Variants in DPYSL5 observed in about 807,000 individuals in gnomAD.
The protein encoded by DPYSL5 is dihydropyrimidinase like 5.
DPYSL5 carries 9 observed loss-of-function variants against 58.4 expected under a neutral mutation model. That is an observed-to-expected ratio of 0.15 (90% CI 0.09 to 0.27). The LOEUF is 0.27. DPYSL5 is among the 10% of genes least tolerant of loss of function. DPYSL5 has a pLI of 1.00. For missense variants in DPYSL5, 499 were observed against 770.6 expected, an observed-to-expected ratio of 0.65 and a Z score of 4.17; for synonymous variants, 293 against 301.9, an observed-to-expected ratio of 0.97 and a Z score of 0.31.
rs1345996316 is a variant in DPYSL5, at chr2:26,849,582, A to G, written c.-5+1328A>G. Among the ~76,000 whole-genome samples, 1 of 152,154 alleles carries G rather than the reference A, an allele frequency of 6.6e-6. No individual in the cohort carries two copies. Among genetic ancestry groups the G allele is most frequent in the Admixed American group, 6.5e-5 (1 of 15,284 alleles). On this transcript the variant is annotated intron_variant, in intron 1 of 12. Transcript: ENST00000288699. The surrounding 1 kb of genome is among the most constrained non-coding windows in gnomAD (Gnocchi z 6.2). The stretch of plus-strand genomic sequence containing the variant: ...TGTGATCTTCCGCGGCGCCCACGGC[A>G]CGCCCTTTTCTCGAGGAGCTGAAAG...
Position 26,934,112 on chromosome 2 carries a change from C to T in DPYSL5, c.791-466C>T, listed in dbSNP as rs1665108912. Among the ~76,000 whole-genome samples, 1 of 152,186 alleles carries T rather than the reference C, an allele frequency of 6.6e-6. No homozygotes were observed. Among genetic ancestry groups the T allele is most frequent in the Non-Finnish European group, 1.5e-5 (1 of 68,024 alleles). On this transcript the variant is annotated intron_variant, in intron 7 of 12. Transcript: ENST00000288699. This position sits in a 1 kb window ranked among gnomAD's most constrained non-coding sequence, Gnocchi z 4.3. ...CCCAGCCTGGTGACTGCTCCCACCTCCTGTCTCCCTGTCCTCCAGCCCTGC... is the reference window on the plus strand; with the variant it reads ...CCCAGCCTGGTGACTGCTCCCACCTTCTGTCTCCCTGTCCTCCAGCCCTGC...
chr2:26,921,933 T>C (rs1335129855), intron 2 of DPYSL5, among the ~76,000 whole-genome samples: 2 of 152,108 alleles, frequency 1.3e-5, no homozygotes, highest in Admixed American at 1.3e-4. Flanking sequence ...CCACCTCCTA[T>C]GCTTCCAACT....
chr2:26,867,436 ATTGTTTGTTTTTTTTT>A (rs1232971444), intron 1 of DPYSL5, among the ~76,000 whole-genome samples: 1 of 148,776 alleles, frequency 6.7e-6, no homozygotes, highest in Non-Finnish European at 1.5e-5. Flanking sequence ...TTTGTTCCCA[ATTGTTTGTTTTTTTTT>A]TTGTTTGTTT....
chr2:26,930,141 T>G (rs570278258), intron 5 of DPYSL5, among the ~76,000 whole-genome samples: 1 of 152,266 alleles, frequency 6.6e-6, no homozygotes, highest in African/African-American at 2.4e-5. Flanking sequence ...CCCTTGAATA[T>G]AGGTCCTGTT....
intron 1 of DPYSL5, among the ~76,000 whole-genome samples, chr2:26,876,668 A>G (rs1663417031): frequency 6.6e-6 from 1 of 151,960 alleles, no homozygotes; most frequent in Non-Finnish European, 1.5e-5. Flanking sequence ...GGTGCCTGCC[A>G]CCACGCCTGG....
At chr2:26,931,733 G>A in intron 6 of DPYSL5, 49 bp downstream of exon 6, 4 of 1,600,156 alleles carry the variant, frequency 2.5e-6, no homozygotes, top group Non-Finnish European at 3.4e-6. Flanking sequence ...CCTTGGCCAG[G>A]CACGGTGCTG....
intron 9 of DPYSL5, 124 bp downstream of exon 9, chr2:26,940,296 G>A (rs1482934970): frequency 8.3e-7 from 1 of 1,204,890 alleles, no homozygotes; most frequent in Non-Finnish European, 1.1e-6. Context: ...AGAAGGGCTG[G>A]TTCAATCCCA....
chr2:26,856,909 TA>T (rs915975653), intron 1 of DPYSL5, among the ~76,000 whole-genome samples: 88 of 147,718 alleles, frequency 6.0e-4, no homozygotes, highest in African/African-American at 2.0e-3. Context: ...TATACATATA[TA>T]ATATATGTAA....
At chr2:26,855,880 T>C (rs72850583) in intron 1 of DPYSL5, among the ~76,000 whole-genome samples, 2,359 of 152,348 alleles carry the variant, frequency 0.015, 67 homozygotes, top group African/African-American at 0.053. Flanking sequence ...TAGATTGATA[T>C]GTTTGTTCTG....
intron 8 of DPYSL5, among the ~76,000 whole-genome samples, chr2:26,937,852 C>T (rs746862947): frequency 2.0e-5 from 3 of 151,922 alleles, no homozygotes; most frequent in Non-Finnish European, 2.9e-5. Context: ...AGGCGTGAGC[C>T]ACCCTGCACC....
chr2:26,931,203 G>GTATATA (rs373034710), intron 5 of DPYSL5, among the ~76,000 whole-genome samples: 14 of 44,934 alleles, frequency 3.1e-4, no homozygotes, highest in East Asian at 1.7e-3. Flanking sequence ...GTGTGTGTGT[G>GTATATA]TATATATATA....
chr2:26,903,814 T>C (rs757082692), intron 2 of DPYSL5, among the ~76,000 whole-genome samples: 1 of 152,220 alleles, frequency 6.6e-6, no homozygotes, highest in Non-Finnish European at 1.5e-5. Flanking sequence ...TCTGTGCTTG[T>C]TAAGTTCCCT....
intron 1 of DPYSL5, among the ~76,000 whole-genome samples, chr2:26,891,460 A>G (rs987044651): frequency 6.6e-5 from 10 of 151,980 alleles, no homozygotes; most frequent in Non-Finnish European, 1.5e-4. Context: ...GAGCCTCGTT[A>G]GCCTCCGGAG....
intron 1 of DPYSL5, among the ~76,000 whole-genome samples, chr2:26,895,645 T>C (rs1572693562): frequency 6.6e-6 from 1 of 152,258 alleles, no homozygotes; most frequent in East Asian, 1.9e-4. Context: ...ATAGTCACCA[T>C]GTTGTACAAT....
At chr2:26,889,813 T>C (rs1425839318) in intron 1 of DPYSL5, among the ~76,000 whole-genome samples, 1 of 152,108 alleles carries the variant, frequency 6.6e-6, no homozygotes, top group Non-Finnish European at 1.5e-5. Context: ...ACTCCTTCAC[T>C]ATGTTCATAC....
chr2:26,911,081 T>TG (rs1203289998), intron 2 of DPYSL5, among the ~76,000 whole-genome samples: 5 of 147,804 alleles, frequency 3.4e-5, no homozygotes, highest in African/African-American at 1.0e-4. Context: ...TATGTTCAGT[T>TG]TTTTTTTTTT....
In DPYSL5 at chr2:26,934,580, A is replaced by G; in HGVS notation, c.793A>G (p.Lys265Glu). ...DVIAAAKMQG[K>E]VVLAETTTAH... is the part of the protein sequence containing the mutation. Reference sequence around the variant, plus strand: ...GGTTCTGACCTTTCTTCTTCCAGGGAAGGTTGTGCTGGCGGAGACCACCAC... The same window carrying G: ...GGTTCTGACCTTTCTTCTTCCAGGGGAGGTTGTGCTGGCGGAGACCACCAC... The change falls in exon 8 of 13, where the codon AAG (lysine) becomes GAG (glutamate). Residue 265 changes from lysine to glutamate, a missense_variant and splice_region_variant. Physicochemically the swap from Lys to Glu is moderately conservative, Grantham distance 56 (BLOSUM62 1). This residue lies in a region of DPYSL5 where 404 missense variants were observed against 647.6 expected (regional missense o/e 0.62). Coordinates refer to ENST00000288699, the MANE Select transcript of DPYSL5 (RefSeq NM_020134.4). The surrounding 1 kb of genome is among the most constrained non-coding windows in gnomAD (Gnocchi z 4.3). 6.2e-7 allele frequency: 1 copy of G among 1,611,896 alleles called. No individual in the cohort carries two copies. Among genetic ancestry groups the G allele is most frequent in the Non-Finnish European group, 8.5e-7 (1 of 1,179,516 alleles).
Position 26,934,581 on chromosome 2 carries a change from A to T in DPYSL5, c.794A>T (p.Lys265Met). ...DVIAAAKMQG[K>M]VVLAETTTAH... ...GTTCTGACCTTTCTTCTTCCAGGGA[A>T]GGTTGTGCTGGCGGAGACCACCACT... Residue 265 changes from lysine (K) to methionine (M), a missense_variant, in exon 8 of 13, where the codon AAG (lysine) becomes ATG (methionine). By Grantham distance (95) the Lys-to-Met change is moderately conservative. Transcript: ENST00000288699. The surrounding 1 kb of genome is among the most constrained non-coding windows in gnomAD (Gnocchi z 4.3). 1 of 1,612,118 alleles carries T rather than the reference A, an allele frequency of 6.2e-7. No homozygotes were observed. Among genetic ancestry groups the T allele is most frequent in the Non-Finnish European group, 8.5e-7 (1 of 1,179,592 alleles).
At chr2:26,931,576 T>A (rs528653729) in intron 5 of DPYSL5, 64 bp from the exon 6 acceptor site, 1 of 1,599,046 alleles carries the variant, frequency 6.3e-7, no homozygotes, top group African/African-American at 1.3e-5. Flanking sequence ...GGGGAGAGTA[T>A]GGTGTGGGTA....
Sources: gnomAD v4.1 joint callset for allele counts (sites outside exome capture counted in the v4.1 genomes callset) on GRCh38, gnomAD v4.1.1 for gene constraint, gnomAD v4.1.1 regional missense constraint, Gnocchi (gnomAD v3.1) non-coding constraint, MANE v1.5 for transcripts, NCBI Gene and HGNC (gene_info 2026-07-23, HGNC 2026-07-21) for gene names.